The following TGM4 variants were observed in gnomAD, a reference collection of about 807,000 sequenced individuals.
TGM4 encodes protein-glutamine gamma-glutamyltransferase 4.
Under a neutral mutation model 76.3 loss-of-function variants are expected in TGM4, and 61 were observed. That is an observed-to-expected ratio of 0.80 (90% confidence interval 0.65 to 0.99). The LOEUF (loss-of-function observed/expected upper bound fraction) is 0.99. Ranked by LOEUF, TGM4 falls within the 50% of genes least tolerant of loss-of-function variation. TGM4 has a pLI of 0.00. For synonymous variants in TGM4, 337 were observed against 329.8 expected (o/e 1.02, Z -0.24); for missense variants, 794 against 843.2 (o/e 0.94, Z 0.72).
intron 4 of TGM4, among the ~76,000 whole-genome samples, chr3:44,892,383 A>G (rs1575717626): frequency 1.6e-5 from 2 of 124,544 alleles, no homozygotes; most frequent in Non-Finnish European, 1.6e-5. Flanking sequence ...TTTTTTTGAG[A>G]CGGAGTTTCA....
chr3:44,882,695 G>T (rs1699550681), intron 1 of TGM4, among the ~76,000 whole-genome samples: 1 of 152,174 alleles, frequency 6.6e-6, no homozygotes, highest in Admixed American at 6.5e-5. Context: ...GATAATCCAG[G>T]ATAATATAAT....
intron 1 of TGM4, among the ~76,000 whole-genome samples, chr3:44,876,106 G>C (rs1292463623): frequency 1.3e-5 from 2 of 152,218 alleles, no homozygotes; most frequent in Admixed American, 1.3e-4. Flanking sequence ...TCACTGGGGA[G>C]GTTTGATGAC....
At chr3:44,880,358 G>A (rs1361089370) in intron 1 of TGM4, among the ~76,000 whole-genome samples, 1 of 152,200 alleles carries the variant, frequency 6.6e-6, no homozygotes, top group African/African-American at 2.4e-5. Context: ...AAGGACAACT[G>A]TTTATTTTAC....
chr3:44,884,175 C>A (rs1699568203), intron 1 of TGM4, among the ~76,000 whole-genome samples: 1 of 152,188 alleles, frequency 6.6e-6, no homozygotes, highest in South Asian at 2.1e-4. Flanking sequence ...GCTTTGAAAA[C>A]ATAGAGGCTC....
chr3:44,891,544 C>T (rs1480272101), intron 4 of TGM4, among the ~76,000 whole-genome samples: 2 of 150,868 alleles, frequency 1.3e-5, no homozygotes, highest in African/African-American at 4.9e-5. Context: ...CACACACAAG[C>T]TTTTTATTTT....
At position 44,890,717 on chromosome 3, in the gene TGM4, A is replaced by G. The variant is rs1345706505; in HGVS notation, c.415A>G (p.Asn139Asp). The G allele has an allele frequency of 6.2e-7, 1 of 1,614,142 alleles. No homozygotes were observed. Among genetic ancestry groups the G allele is most frequent in the South Asian group, 1.1e-5 (1 of 91,072 alleles). The part of the protein sequence containing the change: ...SEENILYLLF[N>D]PWCKEDMVFM... ...AGAAAACATCCTATACCTTCTCTTC[A>G]ACCCATGGTGTAAAGGTACTGTGAA... The change falls in exon 4 of 14, where the codon AAC becomes GAC. Residue 139 changes from asparagine to aspartate, a missense_variant. Physicochemically the swap from Asn to Asp is conservative, Grantham distance 23. Transcript: ENST00000296125.
Position 44,901,696 on chromosome 3 carries a change from C to T in TGM4, c.830C>T (p.Thr277Ile), listed in dbSNP as rs1699855958. The change falls in exon 7 of 14, where the codon ACA (threonine) becomes ATA (isoleucine). Residue 277 changes from threonine to isoleucine, a missense_variant and splice_region_variant. Physicochemically the swap from Thr to Ile is moderately conservative, Grantham distance 89. Coordinates refer to ENST00000296125, the MANE Select transcript of TGM4 (RefSeq NM_003241.4). Reference protein sequence around the residue: ...QCWVFAGILTTVLRALGIPAR... With the variant: ...QCWVFAGILTIVLRALGIPAR... ...TGGGTGTTTGCTGGGATCCTGACTA[C>T]AGGTAAGTGGCAGATCCAGGGGCTG... is the stretch of plus-strand genomic sequence containing the variant. 2 of 1,613,586 alleles carry T rather than the reference C, an allele frequency of 1.2e-6. No homozygotes were observed. The highest frequency in any genetic ancestry group is 1.7e-6 in the Non-Finnish European group (2 of 1,179,674).
At chr3:44,897,730 GA>G (rs1297134756) in intron 6 of TGM4, among the ~76,000 whole-genome samples, 1 of 152,174 alleles carries the variant, frequency 6.6e-6, no homozygotes, top group Non-Finnish European at 1.5e-5. Context: ...AATTAAAACT[GA>G]AAAGGTTAAA....
intron 9 of TGM4, among the ~76,000 whole-genome samples, chr3:44,905,672 G>A (rs1318190355): frequency 6.6e-6 from 1 of 152,192 alleles, no homozygotes; most frequent in African/African-American, 2.4e-5. Flanking sequence ...GATTCCTCCA[G>A]CTGCAATGTG....
At chr3:44,912,730 C>T (rs1274747760) in intron 13 of TGM4, among the ~76,000 whole-genome samples, 1 of 151,872 alleles carries the variant, frequency 6.6e-6, no homozygotes, top group Non-Finnish European at 1.5e-5. Flanking sequence ...TGAGATTTTC[C>T]CATTTTTTTC....
intron 8 of TGM4, among the ~76,000 whole-genome samples, chr3:44,902,525 G>A (rs758801314): frequency 1.2e-4 from 18 of 152,096 alleles, no homozygotes; most frequent in Admixed American, 3.9e-4. Flanking sequence ...ACTTGAACCC[G>A]GGAGGCAGAG....
intron 4 of TGM4, among the ~76,000 whole-genome samples, chr3:44,892,877 TTCA>T (rs372915494): frequency 7.7e-4 from 117 of 152,318 alleles, no homozygotes; most frequent in African/African-American, 2.7e-3. Flanking sequence ...TGTCTGATGA[TTCA>T]TCATCTTTAG....
At position 44,890,659 on chromosome 3, in the gene TGM4, C is replaced by T. The variant is rs778730711; in HGVS notation, c.357C>T (p.Asn119=). 24 of 1,614,072 alleles carry T rather than the reference C, an allele frequency of 1.5e-5. No individual in the cohort carries two copies. In the African/African-American group the frequency reaches 1.7e-4, roughly 12 times the overall value. ...CCATCCTGGGCAAGTACCAACTAAA[C>T]GTGAAAACTGGAAACCACATCCTTA... The part of the protein sequence containing the change: ...PNAILGKYQL[N]VKTGNHILKS... The change falls in exon 4 of 14, where the codon AAC becomes AAT. Residue 119 remains asparagine, a synonymous_variant. Transcript: ENST00000296125.
intron 10 of TGM4, 79 bp downstream of exon 10, chr3:44,907,279 C>A: frequency 6.8e-7 from 1 of 1,471,652 alleles, no homozygotes; most frequent in Non-Finnish European, 9.2e-7. Context: ...TGGGGGTGGG[C>A]CTGGGCAACA....
chr3:44,892,077 T>C (rs1335054272), intron 4 of TGM4, among the ~76,000 whole-genome samples: 1 of 151,792 alleles, frequency 6.6e-6, no homozygotes, highest in Non-Finnish European at 1.5e-5. Context: ...GATAACATGG[T>C]GAAACCCTGT....
chr3:44,878,896 A>T (rs2125746165), intron 1 of TGM4, among the ~76,000 whole-genome samples: 1 of 152,180 alleles, frequency 6.6e-6, no homozygotes, highest in Non-Finnish European at 1.5e-5. Context: ...CCCATTCTTG[A>T]TTCTCTCCTT....
At chr3:44,903,701 T>G in intron 8 of TGM4, 183 bp from the exon 9 acceptor site, 2 of 613,284 alleles carry the variant, frequency 3.3e-6, no homozygotes. Flanking sequence ...GGAGGCTTTC[T>G]GAGAGGCAGG....
In TGM4 at chr3:44,913,848, T is replaced by A; in HGVS notation, c.*123T>A. On this transcript the variant is annotated 3_prime_UTR_variant, in exon 14 of 14. Coordinates refer to ENST00000296125, the MANE Select transcript of TGM4 (RefSeq NM_003241.4). ...GAGGGCAGATTCAAGAGCCAGCAGG[T>A]CAAAAAGGCCAACACAACCATAAGC... 1 of 1,378,956 alleles carries A rather than the reference T, an allele frequency of 7.3e-7. No homozygotes were observed. Among genetic ancestry groups the A allele is most frequent in the Non-Finnish European group, 9.8e-7 (1 of 1,020,302 alleles). The allele number at this position is 1,378,956 out of a possible 1,614,324, so 85.4% of individuals were successfully genotyped here.
intron 3 of TGM4, chr3:44,889,074 GA>G (rs1183182166): frequency 6.8e-6 from 1 of 146,650 alleles, no homozygotes; most frequent in African/African-American, 2.5e-5. Flanking sequence ...CAAGAAAACT[GA>G]GGCACAGGAG....
Sources: gnomAD v4.1 joint callset for allele counts (sites outside exome capture counted in the v4.1 genomes callset) on GRCh38, gnomAD v4.1.1 for gene constraint, MANE v1.5 for transcripts, NCBI Gene and HGNC (gene_info 2026-07-23, HGNC 2026-07-21) for gene names.